Variants in MB observed in about 807,000 individuals in gnomAD.
MB encodes myoglobin.
A neutral mutation model predicts 14.5 loss-of-function variants in MB; 10 were observed. The observed-to-expected ratio is 0.69, with a 90% CI of 0.43 to 1.17. The LOEUF (loss-of-function observed/expected upper bound fraction) is 1.17. MB is among the 50% of genes most tolerant of loss of function. The probability of loss-of-function intolerance (pLI) is 0.00; values close to 1 mark genes in which losing one functional copy is unlikely to be tolerated. For missense variants in MB, 169 were observed against 192.7 expected (o/e 0.88, Z 0.73); for synonymous variants, 89 against 78.6 (o/e 1.13, Z -0.70).
rs754890673 is a variant in MB at position 35,607,050 on chromosome 22, C to G, written c.*247G>C. 43 of 416,330 alleles carry G rather than the reference C, an allele frequency of 1.0e-4. No homozygotes were observed. Among genetic ancestry groups the G allele is most frequent in the Non-Finnish European group, 1.6e-4 (37 of 233,834 alleles). The allele number at this position is 416,330 out of a possible 1,614,324, so 25.8% of individuals were successfully genotyped here. On this transcript the variant is annotated 3_prime_UTR_variant, in exon 3 of 3. Transcript: ENST00000397326. ...AAAGGACAATTAATTCAGATCCAAA[C>G]CATGCAGAACACAGTGAGCCAAGGG...
chr22:35,620,976 T>C (rs556365529), upstream of MB, among the ~76,000 whole-genome samples: 8 of 152,354 alleles, frequency 5.3e-5, no homozygotes, highest in East Asian at 9.6e-4. Flanking sequence ...TTTTAAGTTT[T>C]ACCATTTAAG....
intron 2 of MB, among the ~76,000 whole-genome samples, chr22:35,610,625 C>T (rs1922535057): frequency 6.6e-6 from 1 of 152,164 alleles, no homozygotes; most frequent in South Asian, 2.1e-4. Context: ...CCAATATCCC[C>T]TCTCCCTTTC....
At chr22:35,611,153 A>G in intron 1 of MB, 47 bp from the exon 2 acceptor site, 1 of 1,404,626 alleles carries the variant, frequency 7.1e-7, no homozygotes, top group East Asian at 2.3e-5. Flanking sequence ...GTGCGGTGTG[A>G]GGTCTGGGGG....
intron 1 of MB, among the ~76,000 whole-genome samples, chr22:35,622,953 T>C (rs758951966): frequency 9.9e-5 from 15 of 152,218 alleles, no homozygotes; most frequent in Non-Finnish European, 4.4e-5. Context: ...GGCTCCAGCA[T>C]GGGTGCAGCC....
intron 1 of MB, among the ~76,000 whole-genome samples, chr22:35,612,088 C>T (rs1245977727): frequency 1.3e-5 from 2 of 152,200 alleles, no homozygotes; most frequent in Non-Finnish European, 2.9e-5. Context: ...ATAACTCCCA[C>T]CCTTTCCCTT....
chr22:35,613,164 G>A (rs1922779272), intron 1 of MB, among the ~76,000 whole-genome samples: 1 of 152,236 alleles, frequency 6.6e-6, no homozygotes, highest in African/African-American at 2.4e-5. Context: ...TGCAAGACCT[G>A]GCATGCACAG....
upstream of MB, among the ~76,000 whole-genome samples, chr22:35,621,286 C>A (rs1326508953): frequency 6.6e-6 from 1 of 152,194 alleles, no homozygotes; most frequent in Non-Finnish European, 1.5e-5. Context: ...TGGATCCCAC[C>A]AAGTCAGACC....
chr22:35,607,690 G>A (rs1922262817), intron 2 of MB, among the ~76,000 whole-genome samples: 1 of 152,170 alleles, frequency 6.6e-6, no homozygotes, highest in African/African-American at 2.4e-5. Flanking sequence ...GAGGTTGAAT[G>A]GAAGGGACAT....
upstream of MB, among the ~76,000 whole-genome samples, chr22:35,618,486 C>T (rs182759267): frequency 2.7e-4 from 41 of 152,344 alleles, no homozygotes; most frequent in Admixed American, 2.6e-3. Context: ...CATTTATCCA[C>T]TTGTCCATCC....
Position 35,607,299 on chromosome 22 carries a change from A to G in MB, c.463T>C (p.Ter155GlnextTer44). 6.2e-7 allele frequency: 1 copy of G among 1,612,168 alleles called. No homozygotes were observed. The highest frequency in any genetic ancestry group is 8.5e-7 in the Non-Finnish European group (1 of 1,178,582). Residue 155 changes from the stop codon to glutamine (Q), a stop_lost, in exon 3 of 3, where the codon TAG becomes CAG. Coordinates refer to ENST00000397326, the MANE Select transcript of MB (RefSeq NM_005368.3). ...SNYKELGFQG[*>Q] ...GTGGGGGTGGGAGCGGCAGGGGCCT[A>G]GCCCTGGAAGCCCAGCTCCTTGTAG... is the stretch of plus-strand genomic sequence containing the variant.
In MB at chr22:35,607,313, A is replaced by G. The variant is rs768743420; in HGVS notation, c.449T>C (p.Leu150Pro). The G allele has an allele frequency of 3.1e-5, 50 of 1,613,366 alleles. No homozygotes were observed. The highest frequency in any genetic ancestry group is 4.0e-5 in the Non-Finnish European group (47 of 1,179,468). Residue 150 changes from leucine to proline, a missense_variant, in exon 3 of 3, where the codon CTG (leucine) becomes CCG (proline). Transcript: ENST00000397326. ...RKDMASNYKE[L>P]GFQG ...GGCAGGGGCCTAGCCCTGGAAGCCC[A>G]GCTCCTTGTAGTTGGAGGCCATGTC...
Position 35,607,123 on chromosome 22 carries a change from C to A in MB, c.*174G>T. 1.6e-6 allele frequency: 1 copy of A among 632,800 alleles called. No homozygotes were observed. Among genetic ancestry groups the A allele is most frequent in the South Asian group, 2.9e-5 (1 of 34,744 alleles). 39.2% of individuals were successfully genotyped at this position (632,800 alleles called of 1,614,324 possible). A position where few individuals can be genotyped will look rare whatever the true frequency, so the allele number is the denominator to read the frequency against. On this transcript the variant is annotated 3_prime_UTR_variant, in exon 3 of 3. Transcript: ENST00000397326. ...TGACATCCCACAGGGAGGCGCATCG[C>A]TGGGCATGCAAAGCCAACTTCAACA...
upstream of MB, chr22:35,617,432 T>G (rs1286936260): frequency 1.7e-6 from 1 of 600,892 alleles, no homozygotes; most frequent in Non-Finnish European, 3.0e-6. Flanking sequence ...TCACTTTCTC[T>G]CTCTCATCCA....
At chr22:35,613,559 G>C (rs1253003235) in intron 1 of MB, among the ~76,000 whole-genome samples, 1 of 152,164 alleles carries the variant, frequency 6.6e-6, no homozygotes, top group Non-Finnish European at 1.5e-5. Flanking sequence ...GCAGTGGTGT[G>C]ATCTTGGCTC....
At chr22:35,620,913 C>T (rs1462778329), upstream of MB, among the ~76,000 whole-genome samples, 1 of 152,188 alleles carries the variant, frequency 6.6e-6, no homozygotes, top group Non-Finnish European at 1.5e-5. Flanking sequence ...TTGGCAAGCG[C>T]CCCCATTAAC....
chr22:35,611,700 C>A (rs45478691), intron 1 of MB, among the ~76,000 whole-genome samples: 1 of 152,326 alleles, frequency 6.6e-6, no homozygotes, highest in East Asian at 1.9e-4. Flanking sequence ...CTGGTGGGAG[C>A]AACTCAACCC....
chr22:35,607,028 G>T lies in MB; in HGVS notation c.*269C>A. The T allele has an allele frequency of 2.8e-6, 1 of 354,664 alleles. No homozygotes were observed. Among genetic ancestry groups the T allele is most frequent in the Non-Finnish European group, 5.1e-6 (1 of 196,656 alleles). 22.0% of individuals were successfully genotyped at this position (354,664 alleles called of 1,614,324 possible). A position where few individuals can be genotyped will look rare whatever the true frequency, so the allele number is the denominator to read the frequency against. ...AAGTTCGGTTGGGATTTAGAAGAAA[G>T]GACAATTAATTCAGATCCAAACCAT... On this transcript the variant is annotated 3_prime_UTR_variant, in exon 3 of 3. Transcript: ENST00000397326.
At chr22:35,619,007 A>G (rs1335222923), upstream of MB, among the ~76,000 whole-genome samples, 1 of 149,908 alleles carries the variant, frequency 6.7e-6, no homozygotes, top group Admixed American at 6.6e-5. Context: ...CCCTCCATCC[A>G]TCTATCCATC....
chr22:35,612,948 C>T (rs533000291), intron 1 of MB, among the ~76,000 whole-genome samples: 6 of 152,316 alleles, frequency 3.9e-5, no homozygotes, highest in East Asian at 3.9e-4. Flanking sequence ...CACAGAGACA[C>T]GCACAAGCCT....
Sources: allele counts gnomAD v4.1 joint callset (sites outside exome capture counted in the v4.1 genomes callset), GRCh38; gene constraint gnomAD v4.1.1; transcripts MANE v1.5; gene names NCBI Gene and HGNC (gene_info 2026-07-23, HGNC 2026-07-21).